Variants in AXDND1 observed in about 807,000 individuals in gnomAD.
The protein encoded by AXDND1 is axonemal dynein light chain domain-containing protein 1.
AXDND1 carries 110 observed loss-of-function variants against 137.5 expected under a neutral mutation model. That is an observed-to-expected ratio of 0.80 (90% CI 0.69 to 0.94). The LOEUF is 0.94. AXDND1 is among the 40% of genes least tolerant of loss of function. The probability of loss-of-function intolerance (pLI) is 0.00; values close to 1 mark genes in which losing one functional copy is unlikely to be tolerated. For synonymous variants in AXDND1, 414 were observed against 399.7 expected, an observed-to-expected ratio of 1.04 and a Z score of -0.43; for missense variants, 1,191 against 1,169.8, an observed-to-expected ratio of 1.02 and a Z score of -0.26.
intron 4 of AXDND1, among the ~76,000 whole-genome samples, chr1:179,372,857 A>AT (rs980944271): frequency 1.3e-5 from 2 of 151,998 alleles, no homozygotes; most frequent in Admixed American, 6.6e-5. Flanking sequence ...CTAATTTTGT[A>AT]TTTTTATTAG....
intron 16 of AXDND1, among the ~76,000 whole-genome samples, chr1:179,467,950 A>G (rs1468161905): frequency 6.6e-6 from 1 of 152,230 alleles, no homozygotes; most frequent in Non-Finnish European, 1.5e-5. Context: ...ATTAGGATCC[A>G]CACTCAAGTT....
At chr1:179,413,241 ATTAAT>A (rs922888748) in intron 12 of AXDND1, among the ~76,000 whole-genome samples, 1 of 150,764 alleles carries the variant, frequency 6.6e-6, no homozygotes, top group Admixed American at 6.6e-5. Context: ...TATTTTATTA[ATTAAT>A]TTTAAATTTT....
At chr1:179,454,515 A>G (rs921105651) in intron 16 of AXDND1, 1 of 152,260 alleles carries the variant, frequency 6.6e-6, no homozygotes, top group African/African-American at 2.4e-5. Context: ...GACCTATCCT[A>G]AGACATGGGA....
chr1:179,435,411 T>G (rs1056758055), intron 15 of AXDND1, among the ~76,000 whole-genome samples: 2 of 152,128 alleles, frequency 1.3e-5, no homozygotes, highest in African/African-American at 4.8e-5. Flanking sequence ...AGAACAAAGC[T>G]GGAGGCATCA....
At chr1:179,524,036 G>A (rs998734637) in intron 21 of AXDND1, among the ~76,000 whole-genome samples, 8 of 152,090 alleles carry the variant, frequency 5.3e-5, no homozygotes, top group African/African-American at 1.9e-4. Flanking sequence ...CCTTTTTATG[G>A]CTGAGTGGTA....
At chr1:179,376,926 TAA>T (rs1647359964) in intron 4 of AXDND1, among the ~76,000 whole-genome samples, 1 of 150,882 alleles carries the variant, frequency 6.6e-6, no homozygotes, top group South Asian at 2.1e-4. Flanking sequence ...CCAAATTTAA[TAA>T]TGTAGTTTTT....
At chr1:179,457,378 G>A (rs189686407) in intron 16 of AXDND1, 19 of 438,000 alleles carry the variant, frequency 4.3e-5, no homozygotes, top group Non-Finnish European at 7.8e-5. Context: ...CTTCGGCGGC[G>A]TCCAGGGGCA....
intron 25 of AXDND1, chr1:179,552,214 CT>C (rs1673389341): frequency 3.7e-6 from 1 of 268,800 alleles, no homozygotes; most frequent in Non-Finnish European, 7.3e-6. Flanking sequence ...GTGGTTGTCC[CT>C]CTAAAACTTG....
rs1446705394 is a variant in AXDND1 at position 179,368,931 on chromosome 1, C to G, written c.229C>G (p.Pro77Ala). The change falls in exon 3 of 26, where the codon CCT becomes GCT. Residue 77 changes from proline (P) to alanine (A), a missense_variant. Coordinates refer to ENST00000367618, the MANE Select transcript of AXDND1 (RefSeq NM_144696.6). ...LTYAANAGPC[P>A]ENLLPPKKIK... Reference sequence around the variant, plus strand: ...CTATGCGGCCAATGCTGGTCCTTGTCCTGAAAACTTACTACCTCCTAAGAA... The same window carrying G: ...CTATGCGGCCAATGCTGGTCCTTGTGCTGAAAACTTACTACCTCCTAAGAA... 6 of 1,613,712 alleles carry G rather than the reference C, an allele frequency of 3.7e-6. No individual in the cohort carries two copies. The highest frequency in any genetic ancestry group is 1.3e-5 in the African/African-American group (1 of 74,878).
chr1:179,511,233 T>C (rs1669018326), intron 21 of AXDND1, among the ~76,000 whole-genome samples: 1 of 151,756 alleles, frequency 6.6e-6, no homozygotes, highest in African/African-American at 2.4e-5. Flanking sequence ...TCATTCCTCT[T>C]CATGGCTGAG....
intron 6 of AXDND1, 85 bp downstream of exon 6, chr1:179,379,567 G>A (rs1411032850): frequency 2.0e-6 from 3 of 1,531,786 alleles, no homozygotes; most frequent in Non-Finnish European, 2.6e-6. Flanking sequence ...GCCAAGGCGG[G>A]TGGATCATCT....
intron 17 of AXDND1, among the ~76,000 whole-genome samples, chr1:179,477,635 T>C (rs1278686774): frequency 1.3e-5 from 2 of 152,074 alleles, no homozygotes; most frequent in South Asian, 4.1e-4. Flanking sequence ...AGCTACAATT[T>C]AAGATAAGAT....
At chr1:179,504,527 C>G (rs1337692936) in intron 20 of AXDND1, among the ~76,000 whole-genome samples, 1 of 152,162 alleles carries the variant, frequency 6.6e-6, no homozygotes, top group African/African-American at 2.4e-5. Flanking sequence ...GTGTATCTCC[C>G]TATAAAAGTT....
chr1:179,425,287 T>TA (rs927949458), intron 12 of AXDND1, among the ~76,000 whole-genome samples: 15 of 152,194 alleles, frequency 9.9e-5, no homozygotes, highest in African/African-American at 3.4e-4. Context: ...CTACCCTTCC[T>TA]ATGTAGGGGA....
intron 6 of AXDND1, among the ~76,000 whole-genome samples, chr1:179,380,689 C>T (rs1648117190): frequency 6.6e-6 from 1 of 152,130 alleles, no homozygotes. Context: ...ATTGTCTTTC[C>T]AATATGTATG....
Position 179,525,286 on chromosome 1 carries a change from C to T in AXDND1, c.2497-48C>T, listed in dbSNP as rs781554087. ...ATTAAATATTTTGAACAAATAATTG[C>T]TAATATTTATATACACCCTTTAATC... On this transcript the variant is annotated intron_variant, in intron 21 of 25. Coordinates refer to ENST00000367618, the MANE Select transcript of AXDND1 (RefSeq NM_144696.6). The T allele has an allele frequency of 5.3e-6, 8 of 1,523,500 alleles. No individual in the cohort carries two copies. In the South Asian group the frequency reaches 7.5e-5, roughly 14 times the overall value. The allele number at this position is 1,523,500 out of a possible 1,614,324, so 94.4% of individuals were successfully genotyped here. A position where few individuals can be genotyped will look rare whatever the true frequency, so the allele number is the denominator to read the frequency against.
chr1:179,447,583 A>C, intron 16 of AXDND1: 2 of 1,046,158 alleles, frequency 1.9e-6, no homozygotes, highest in Non-Finnish European at 2.7e-6. Flanking sequence ...AAGTTGAAGA[A>C]AGGTTCAACT....
At chr1:179,484,373 A>G (rs1448406754) in intron 18 of AXDND1, among the ~76,000 whole-genome samples, 1 of 152,106 alleles carries the variant, frequency 6.6e-6, no homozygotes, top group Non-Finnish European at 1.5e-5. Flanking sequence ...ATCTTAGGGG[A>G]ACTATCAGAC....
chr1:179,475,147 GCAGAGGTATAGCC>G (rs1664453363), intron 17 of AXDND1, among the ~76,000 whole-genome samples: 1 of 152,256 alleles, frequency 6.6e-6, no homozygotes, highest in Non-Finnish European at 1.5e-5. Context: ...GAGGTCTGCT[GCAGAGGTATAGCC>G]CTCATGGAGA....
Sources: allele counts gnomAD v4.1 joint callset (sites outside exome capture counted in the v4.1 genomes callset), GRCh38; gene constraint gnomAD v4.1.1; transcripts MANE v1.5; gene names NCBI Gene and HGNC (gene_info 2026-07-23, HGNC 2026-07-21).